The following SLC10A2 variants were observed in gnomAD, a reference collection of about 807,000 sequenced individuals.
SLC10A2 encodes solute carrier family 10 member 2, also known as ileal sodium/bile acid cotransporter.
Under a neutral mutation model 27.1 loss-of-function variants are expected in SLC10A2, and 34 were observed. That is an observed-to-expected ratio of 1.26 (90% CI 0.96 to 1.67). The LOEUF (loss-of-function observed/expected upper bound fraction) is 1.67. Ranked by LOEUF, SLC10A2 falls within the 40% of genes most tolerant of loss-of-function variation. The pLI is 0.00. For missense variants in SLC10A2, 530 were observed against 444.4 expected, an observed-to-expected ratio of 1.19 and a Z score of -1.73; for synonymous variants, 205 against 174.0, an observed-to-expected ratio of 1.18 and a Z score of -1.40.
intron 2 of SLC10A2, among the ~76,000 whole-genome samples, chr13:103,057,443 G>A (rs1238497217): frequency 6.6e-6 from 1 of 152,200 alleles, no homozygotes; most frequent in African/African-American, 2.4e-5. Context: ...CCTGGAGCAT[G>A]ACTTTGCCAT....
chr13:103,045,302 T>C lies in SLC10A2; in HGVS notation c.*831A>G, dbSNP rs201304964. ...CTGACTAGCTGTCATATTAGCTATG[T>C]GGATCCACTGCACACAGGAAAACCT... On this transcript the variant is annotated 3_prime_UTR_variant, in exon 6 of 6. Coordinates refer to ENST00000245312, the MANE Select transcript of SLC10A2 (RefSeq NM_000452.3). 1.3e-5 allele frequency: 2 copies of C among 152,276 alleles called. No individual in the cohort carries two copies. The highest frequency in any genetic ancestry group is 2.9e-5 in the Non-Finnish European group (2 of 68,088). 9.4% of individuals were successfully genotyped at this position (152,276 alleles called of 1,614,324 possible).
intron 1 of SLC10A2, among the ~76,000 whole-genome samples, chr13:103,064,649 T>C (rs1466183326): frequency 6.6e-6 from 1 of 152,132 alleles, no homozygotes; most frequent in Admixed American, 6.5e-5. Context: ...TCAAACTAAA[T>C]TGAGGTCTAA....
chr13:103,055,133 C>T (rs182278966), intron 2 of SLC10A2, among the ~76,000 whole-genome samples: 338 of 152,298 alleles, frequency 2.2e-3, no homozygotes, highest in African/African-American at 7.8e-3. Context: ...CTGTGCAAAT[C>T]ATTGAACCCC....
intron 1 of SLC10A2, among the ~76,000 whole-genome samples, chr13:103,061,074 T>C (rs1876104062): frequency 6.6e-6 from 1 of 152,208 alleles, no homozygotes; most frequent in Non-Finnish European, 1.5e-5. Context: ...GCTTAAATAA[T>C]TTAGATAAAA....
chr13:103,065,952 C>T lies in SLC10A2; in HGVS notation c.298G>A (p.Val100Met). Reference protein sequence around the residue: ...FDILPLQAVVVLIIGCCPGGT... With the variant: ...FDILPLQAVVMLIIGCCPGGT... The stretch of plus-strand genomic sequence containing the variant: ...CCAGGGCAGCATCCTATAATGAGCA[C>T]CACTACGGCCTGGAGCGGGAGGATG... The change falls in exon 1 of 6, where the codon GTG becomes ATG. Residue 100 changes from valine (V) to methionine (M), a missense_variant. Val to Met is a conservative substitution (Grantham distance 21). Transcript: ENST00000245312. 1 of 1,614,148 alleles carries T rather than the reference C, an allele frequency of 6.2e-7. No individual in the cohort carries two copies. The highest frequency in any genetic ancestry group is 8.5e-7 in the Non-Finnish European group (1 of 1,180,000).
chr13:103,055,500 C>T (rs1250848146), intron 2 of SLC10A2, among the ~76,000 whole-genome samples: 2 of 152,054 alleles, frequency 1.3e-5, no homozygotes, highest in Admixed American at 1.3e-4. Context: ...CACCCTGAGC[C>T]ACAATTTAGA....
chr13:103,054,530 C>T (rs147296093), intron 2 of SLC10A2, among the ~76,000 whole-genome samples: 22 of 152,216 alleles, frequency 1.4e-4, no homozygotes, highest in African/African-American at 5.1e-4. Context: ...AAGTCCTGTG[C>T]TTGGAATGTT....
Position 103,051,273 on chromosome 13 carries a change from C to G in SLC10A2, c.745G>C (p.Gly249Arg), listed in dbSNP as rs1391627994. ...ATGCCATACCTGTACCAGGGTAGAC[C>G]AGCAATTCTAGCCAGAAGAAACCCC... ...SLGFLLARIA[G>R]LPWYRCRTVA... is the part of the protein sequence containing the mutation. The change falls in exon 4 of 6, where the codon GGT (glycine) becomes CGT (arginine). Residue 249 changes from glycine (G) to arginine (R), a missense_variant. Transcript: ENST00000245312. 2 of 1,613,914 alleles carry G rather than the reference C, an allele frequency of 1.2e-6. No individual in the cohort carries two copies. Among genetic ancestry groups the G allele is most frequent in the East Asian group, 4.5e-5 (2 of 44,870 alleles).
At chr13:103,054,640 A>T (rs279912) in intron 2 of SLC10A2, among the ~76,000 whole-genome samples, 64,274 of 151,938 alleles carry the variant, frequency 0.42, 14,112 homozygotes, top group African/African-American at 0.54. Flanking sequence ...AGCCAACGGG[A>T]TAACACATAA....
chr13:103,052,069 T>C (rs1956100355), intron 3 of SLC10A2, among the ~76,000 whole-genome samples: 1 of 152,236 alleles, frequency 6.6e-6, no homozygotes, highest in South Asian at 2.1e-4. Flanking sequence ...ATTATCTACA[T>C]ACATATCCAG....
chr13:103,062,199 A>C (rs1240839010), intron 1 of SLC10A2, among the ~76,000 whole-genome samples: 1 of 152,252 alleles, frequency 6.6e-6, no homozygotes, highest in Non-Finnish European at 1.5e-5. Flanking sequence ...GAAGGCTCTA[A>C]CGTAGCGTAT....
At chr13:103,060,532 T>C (rs769623930) in intron 1 of SLC10A2, among the ~76,000 whole-genome samples, 7 of 151,872 alleles carry the variant, frequency 4.6e-5, no homozygotes, top group Non-Finnish European at 1.0e-4. Context: ...TGAGCCACCA[T>C]GCCAGGCTAA....
At chr13:103,065,239 CTG>C in intron 1 of SLC10A2, among the ~76,000 whole-genome samples, 1 of 152,092 alleles carries the variant, frequency 6.6e-6, no homozygotes, top group East Asian at 1.9e-4. Flanking sequence ...TTAGATTACT[CTG>C]TAGGAAGTGG....
chr13:103,065,324 C>A (rs988413327), intron 1 of SLC10A2, among the ~76,000 whole-genome samples: 2 of 152,170 alleles, frequency 1.3e-5, no homozygotes. Flanking sequence ...CTTTTTCCCC[C>A]ACTTTTAATG....
intron 3 of SLC10A2, 96 bp from the exon 4 acceptor site, chr13:103,051,528 C>T (rs1844210130): frequency 2.3e-6 from 3 of 1,322,950 alleles, no homozygotes; most frequent in South Asian, 2.5e-5. Context: ...CTCCTTGTCC[C>T]TGGGGGAAGT....
intron 2 of SLC10A2, among the ~76,000 whole-genome samples, chr13:103,056,884 G>C (rs183894060): frequency 6.6e-6 from 1 of 152,276 alleles, no homozygotes; most frequent in East Asian, 1.9e-4. Flanking sequence ...GTAGGAGAGA[G>C]AGAAGAGGCT....
In SLC10A2 at chr13:103,062,768, T is replaced by C. The variant is rs567858992; in HGVS notation, c.377+3105A>G. Among the ~76,000 whole-genome samples, 7 of 152,224 alleles carry C rather than the reference T, an allele frequency of 4.6e-5. No homozygotes were observed. In the East Asian group the frequency reaches 1.4e-3, roughly 29 times the overall value. ...GAACAAAGGATGTGGTAGGAAAGTC[T>C]GTAAAATAATAAAAAGGAATGTAGA... On this transcript the variant is annotated intron_variant, in intron 1 of 5. Transcript: ENST00000245312.
At chr13:103,060,665 C>G (rs550577507) in intron 1 of SLC10A2, among the ~76,000 whole-genome samples, 1 of 152,072 alleles carries the variant, frequency 6.6e-6, no homozygotes, top group East Asian at 1.9e-4. Flanking sequence ...CGGGAGCCAC[C>G]GCACCCTGCA....
At chr13:103,059,725 C>A (rs1034691778) in intron 1 of SLC10A2, among the ~76,000 whole-genome samples, 3 of 152,122 alleles carry the variant, frequency 2.0e-5, no homozygotes, top group African/African-American at 7.2e-5. Flanking sequence ...CAGCTGACAC[C>A]ACCAAGGCTG....
Sources: allele counts gnomAD v4.1 joint callset (sites outside exome capture counted in the v4.1 genomes callset), GRCh38; gene constraint gnomAD v4.1.1; transcripts MANE v1.5; gene names NCBI Gene and HGNC (gene_info 2026-07-23, HGNC 2026-07-21).